Variants in ATAD2 observed in about 807,000 individuals in gnomAD.
ATAD2 encodes ATPase family AAA domain containing 2.
In ATAD2, 62 loss-of-function variants were observed where a neutral mutation model predicts 168.9. That is an observed-to-expected ratio of 0.37 (90% CI 0.30 to 0.45). The LOEUF (loss-of-function observed/expected upper bound fraction) is 0.45, where lower values mean the gene tolerates loss of function less well. ATAD2 is among the 20% of genes least tolerant of loss of function. ATAD2 has a pLI of 1.00. For missense variants in ATAD2, 1,419 were observed against 1,667.8 expected, an observed-to-expected ratio of 0.85 and a Z score of 2.60; for synonymous variants, 613 against 571.6, an observed-to-expected ratio of 1.07 and a Z score of -1.03.
chr8:123,346,769 G>T lies in ATAD2; in HGVS notation c.2213-19C>A. 1 of 1,565,092 alleles carries T rather than the reference G, an allele frequency of 6.4e-7. No individual in the cohort carries two copies. Among genetic ancestry groups the T allele is most frequent in the South Asian group, 1.2e-5 (1 of 81,362 alleles). On this transcript the variant is annotated intron_variant, in intron 16 of 27. Coordinates refer to ENST00000287394, the MANE Select transcript of ATAD2 (RefSeq NM_014109.4). ...GAAATATCTATAAAACCAAAAAATTGTACATTAGTAACTTTTGGATTGCAA... is the reference window on the plus strand; with the variant it reads ...GAAATATCTATAAAACCAAAAAATTTTACATTAGTAACTTTTGGATTGCAA...
intron 19 of ATAD2, among the ~76,000 whole-genome samples, chr8:123,340,947 C>CTT (rs557121930): frequency 6.0e-4 from 86 of 143,452 alleles, no homozygotes; most frequent in African/African-American, 2.1e-3. Flanking sequence ...TAAGTTTTGT[C>CTT]TTTTTTTTTT....
chr8:123,399,267 A>C (rs1430717966), upstream of ATAD2, among the ~76,000 whole-genome samples: 3 of 152,102 alleles, frequency 2.0e-5, no homozygotes, highest in Non-Finnish European at 2.9e-5. Context: ...TCTCAAAAAA[A>C]AAAAAAACCA....
upstream of ATAD2, chr8:123,396,462 C>T: frequency 2.4e-5 from 30 of 1,270,812 alleles, no homozygotes; most frequent in Non-Finnish European, 3.0e-5. Context: ...CCACAAGCTC[C>T]GCGCCAGCGG....
intron 7 of ATAD2, chr8:123,369,415 A>G (rs1829074329): frequency 9.3e-6 from 2 of 214,164 alleles, no homozygotes; most frequent in South Asian, 2.7e-4. Context: ...AAACACACAC[A>G]GGCCATAAAC....
intron 8 of ATAD2, among the ~76,000 whole-genome samples, chr8:123,366,352 G>T (rs939145341): frequency 2.6e-5 from 4 of 152,156 alleles, no homozygotes; most frequent in Non-Finnish European, 4.4e-5. Flanking sequence ...AAACAGTGTG[G>T]AGATTCCCTA....
chr8:123,371,577 A>G, intron 4 of ATAD2, 93 bp downstream of exon 4: 1 of 1,184,116 alleles, frequency 8.4e-7, no homozygotes, highest in Non-Finnish European at 1.2e-6. Flanking sequence ...AGTAGAATGC[A>G]TTAAATGTTT....
chr8:123,403,461 T>C (rs1813033199), intron 1 of ATAD2, among the ~76,000 whole-genome samples: 1 of 151,818 alleles, frequency 6.6e-6, no homozygotes, highest in African/African-American at 2.4e-5. Context: ...GGTCTCCCTA[T>C]GTTGCCCAGG....
At chr8:123,405,469 G>A (rs531857605) in intron 1 of ATAD2, among the ~76,000 whole-genome samples, 80 of 151,212 alleles carry the variant, frequency 5.3e-4, no homozygotes, top group Admixed American at 9.9e-4. Context: ...TCACCATATC[G>A]GCCAAGCTAG....
chr8:123,397,239 TC>T (rs1179149597), upstream of ATAD2, among the ~76,000 whole-genome samples: 814 of 79,522 alleles, frequency 0.01, 20 homozygotes, highest in East Asian at 0.015. Flanking sequence ...AGACTCTGTC[TC>T]AAAAAAAAAA....
At chr8:123,389,985 T>TATATATATA (rs1554647643) in intron 1 of ATAD2, among the ~76,000 whole-genome samples, 14 of 70,810 alleles carry the variant, frequency 2.0e-4, no homozygotes, top group South Asian at 4.7e-4. Context: ...TATATATATA[T>TATATATATA]TTTTTTTTTT....
Position 123,351,558 on chromosome 8 carries a change from T to C in ATAD2, c.1647-2114A>G, listed in dbSNP as rs181510906. Among the ~76,000 whole-genome samples, 45 of 152,278 alleles carry C rather than the reference T, an allele frequency of 3.0e-4. No individual in the cohort carries two copies. The East Asian group carries it at 7.0e-3, about 24-fold the overall frequency. On this transcript the variant is annotated intron_variant, in intron 13 of 27. Transcript: ENST00000287394. ...GATTCAATCATTTCTTTTGCATTTA[T>C]TAGCTGTGATTTTCCTATACAAAGA...
chr8:123,341,219 T>C (rs1179298219), intron 19 of ATAD2, among the ~76,000 whole-genome samples: 2 of 152,196 alleles, frequency 1.3e-5, no homozygotes, highest in African/African-American at 4.8e-5. Context: ...TTAGAAAATA[T>C]TATCCTAAGA....
chr8:123,398,304 A>C (rs1259835992), upstream of ATAD2, among the ~76,000 whole-genome samples: 35 of 134,970 alleles, frequency 2.6e-4, no homozygotes, highest in African/African-American at 9.4e-4. Context: ...GATCTCAGCT[A>C]ACTGCAACCT....
At chr8:123,334,171 G>T in intron 23 of ATAD2, 29 bp downstream of exon 23, 1 of 1,562,780 alleles carries the variant, frequency 6.4e-7, no homozygotes, top group South Asian at 1.2e-5. Flanking sequence ...ATATTAGGTT[G>T]GTACAAATCA....
chr8:123,400,944 CTCGCACCCTGTGGGTGA>C, upstream of ATAD2: 1 of 1,404,540 alleles, frequency 7.1e-7, no homozygotes, highest in South Asian at 1.2e-5. This position sits in a 1 kb window ranked among gnomAD's most constrained non-coding sequence, Gnocchi z 4.5. Context: ...TGCTGAGCCC[CTCGCACCCTGTGGGTGA>C]TGTGCTGGAG....
chr8:123,349,203 TCCAAA>T, intron 14 of ATAD2, 77 bp downstream of exon 14: 1 of 1,400,012 alleles, frequency 7.1e-7, no homozygotes, highest in Non-Finnish European at 9.6e-7. Flanking sequence ...CTCAAGAATC[TCCAAA>T]TTTTTACTAT....
At chr8:123,415,260 A>G (rs766308430) in intron 1 of ATAD2, among the ~76,000 whole-genome samples, 31 of 152,344 alleles carry the variant, frequency 2.0e-4, no homozygotes, top group Admixed American at 1.4e-3. Flanking sequence ...AGGGTTTCCC[A>G]CTCACTTTAA....
chr8:123,410,824 G>A (rs1005624079), intron 1 of ATAD2, among the ~76,000 whole-genome samples: 6 of 152,154 alleles, frequency 3.9e-5, no homozygotes, highest in African/African-American at 1.4e-4. Context: ...CTCCAGATCC[G>A]GCAGGGTGTC....
chr8:123,369,857 T>G lies in ATAD2; in HGVS notation c.895A>C (p.Arg299=). 6.2e-7 allele frequency: 1 copy of G among 1,612,202 alleles called. No homozygotes were observed. The highest frequency in any genetic ancestry group is 2.2e-5 in the East Asian group (1 of 44,794). The change falls in exon 7 of 28, where the codon AGA becomes CGA. Residue 299 remains arginine, a synonymous_variant. Coordinates refer to ENST00000287394, the MANE Select transcript of ATAD2 (RefSeq NM_014109.4). ...ENQKRYYLRQ[R]KATVYYQAPL... ...GCCTGATAGTAAACAGTAGCTTTTC[T>G]CTGTCTAAGATAATATCGCTTCTGA...
Sources: allele counts gnomAD v4.1 joint callset (sites outside exome capture counted in the v4.1 genomes callset), GRCh38; gene constraint gnomAD v4.1.1; non-coding constraint Gnocchi (gnomAD v3.1); transcripts MANE v1.5; gene names NCBI Gene and HGNC (gene_info 2026-07-23, HGNC 2026-07-21).